The following CPNE4 variants were observed in gnomAD, a reference collection of about 807,000 sequenced individuals.
CPNE4 encodes copine-4.
In CPNE4, 25 loss-of-function variants were observed where a neutral mutation model predicts 67.9. The observed-to-expected ratio is 0.37, with a 90% CI of 0.27 to 0.51. CPNE4 has a LOEUF of 0.51. CPNE4 is among the 20% of genes least tolerant of loss of function. CPNE4 has a pLI of 0.93. For missense variants in CPNE4, 464 were observed against 690.8 expected, an observed-to-expected ratio of 0.67 and a Z score of 3.68; for synonymous variants, 242 against 244.9, an observed-to-expected ratio of 0.99 and a Z score of 0.11.
At chr3:131,823,378 C>T (rs1451248341) in intron 2 of CPNE4, among the ~76,000 whole-genome samples, 1 of 152,214 alleles carries the variant, frequency 6.6e-6, no homozygotes, top group Admixed American at 6.5e-5. Context: ...CTGCAACGCT[C>T]TTGAGCCTTC....
chr3:131,953,350 C>G (rs868006206), intron 1 of CPNE4, among the ~76,000 whole-genome samples: 1 of 149,906 alleles, frequency 6.7e-6, no homozygotes, highest in African/African-American at 2.5e-5. Flanking sequence ...ATTTTAGCTG[C>G]GGATTTGTCA....
chr3:131,555,741 C>T (rs1559890287), intron 11 of CPNE4, among the ~76,000 whole-genome samples, 190 bp from the exon 12 acceptor site: 1 of 151,916 alleles, frequency 6.6e-6, no homozygotes, highest in Non-Finnish European at 1.5e-5. Flanking sequence ...AAGAAACAGC[C>T]CCTTAAGTTC....
chr3:131,645,850 T>G (rs1022862630), intron 7 of CPNE4, among the ~76,000 whole-genome samples: 6 of 152,236 alleles, frequency 3.9e-5, no homozygotes, highest in African/African-American at 1.4e-4. Context: ...TAATGTAGTT[T>G]AAGCACAGGA....
chr3:131,912,669 T>C (rs528891108), intron 1 of CPNE4, among the ~76,000 whole-genome samples: 43 of 152,240 alleles, frequency 2.8e-4, no homozygotes, highest in African/African-American at 9.9e-4. Context: ...AGGAGATCTG[T>C]CTTGAACTTA....
chr3:131,888,502 T>C (rs1485681131), intron 2 of CPNE4, among the ~76,000 whole-genome samples: 1 of 152,200 alleles, frequency 6.6e-6, no homozygotes, highest in Non-Finnish European at 1.5e-5. Context: ...GTTGAACATT[T>C]CTGATCTTAA....
chr3:131,620,107 C>G (rs759471050), intron 7 of CPNE4, among the ~76,000 whole-genome samples: 13 of 152,238 alleles, frequency 8.5e-5, no homozygotes, highest in African/African-American at 2.9e-4. Flanking sequence ...AGAGTTTTAG[C>G]CAGGACACAG....
intron 2 of CPNE4, among the ~76,000 whole-genome samples, chr3:131,865,413 AC>A (rs200654804): frequency 1.5e-5 from 2 of 133,312 alleles, no homozygotes; most frequent in Non-Finnish European, 3.2e-5. Context: ...TTCACCTCCT[AC>A]TTTTTGTGGT....
intron 7 of CPNE4, among the ~76,000 whole-genome samples, chr3:131,646,374 A>G (rs2079664674): frequency 6.6e-6 from 1 of 152,146 alleles, no homozygotes; most frequent in African/African-American, 2.4e-5. Flanking sequence ...GAAAATACTC[A>G]CATACATATA....
At chr3:131,947,958 C>T (rs2071605758) in intron 1 of CPNE4, among the ~76,000 whole-genome samples, 1 of 152,096 alleles carries the variant, frequency 6.6e-6, no homozygotes, top group Non-Finnish European at 1.5e-5. Flanking sequence ...GCATTGAATC[C>T]ATAGATTACT....
At chr3:131,911,581 G>A (rs2088978284) in intron 1 of CPNE4, among the ~76,000 whole-genome samples, 1 of 130,746 alleles carries the variant, frequency 7.6e-6, no homozygotes. Context: ...GTGTGTGTGT[G>A]TGTGTAAACT....
At chr3:131,758,869 C>T (rs1391945167) in intron 2 of CPNE4, among the ~76,000 whole-genome samples, 1 of 152,094 alleles carries the variant, frequency 6.6e-6, no homozygotes, top group African/African-American at 2.4e-5. Context: ...TCCTCATTTT[C>T]TCTTGCTGCT....
At chr3:131,830,402 T>C (rs1196579413) in intron 2 of CPNE4, among the ~76,000 whole-genome samples, 1 of 152,182 alleles carries the variant, frequency 6.6e-6, no homozygotes, top group East Asian at 1.9e-4. Context: ...AAAGATAAGA[T>C]AGATCATTGT....
chr3:131,730,273 T>C (rs1233889860), intron 2 of CPNE4, among the ~76,000 whole-genome samples: 1 of 152,224 alleles, frequency 6.6e-6, no homozygotes, highest in Middle Eastern at 3.2e-3. Context: ...ACAATTTTTT[T>C]CTTTCCTAGG....
intron 2 of CPNE4, among the ~76,000 whole-genome samples, chr3:131,807,018 C>T (rs576120945): frequency 8.5e-5 from 13 of 152,256 alleles, no homozygotes; most frequent in African/African-American, 2.9e-4. Flanking sequence ...GAAAGGTATG[C>T]ATAACACCAG....
chr3:131,867,042 GCAA>G (rs2086981613), intron 2 of CPNE4, among the ~76,000 whole-genome samples: 2 of 152,304 alleles, frequency 1.3e-5, no homozygotes, highest in South Asian at 4.1e-4. Flanking sequence ...CACAAAGACT[GCAA>G]CTACTAGTGA....
chr3:131,980,699 A>T lies in CPNE4; in HGVS notation c.-2+53868T>A, dbSNP rs58451813. ...AACCTCCTGAATTCTTTTTCAGGTT[A>T]ATCAGGGATTTCTTCTTGGTTTGGT... On this transcript the variant is annotated intron_variant, in intron 1 of 15. Coordinates refer to ENST00000429747, the MANE Select transcript of CPNE4 (RefSeq NM_130808.3). Among the ~76,000 whole-genome samples the T allele has an allele frequency of 4.2e-3, 644 of 152,144 alleles. 7 individuals are homozygous for T. The highest frequency in any genetic ancestry group is 0.015 in the African/African-American group (621 of 41,500).
At chr3:131,990,914 C>T (rs1454252504) in intron 1 of CPNE4, among the ~76,000 whole-genome samples, 2 of 135,722 alleles carry the variant, frequency 1.5e-5, no homozygotes, top group Non-Finnish European at 3.3e-5. Context: ...AGTGAATTCT[C>T]ACAAGATCTG....
chr3:131,757,718 C>G (rs2082785427), intron 2 of CPNE4, among the ~76,000 whole-genome samples: 1 of 152,190 alleles, frequency 6.6e-6, no homozygotes, highest in Non-Finnish European at 1.5e-5. Context: ...CAGGGCAGCC[C>G]CTCCCATCTC....
At chr3:131,896,340 T>C (rs752932033) in intron 2 of CPNE4, among the ~76,000 whole-genome samples, 7 of 152,054 alleles carry the variant, frequency 4.6e-5, no homozygotes, top group South Asian at 2.1e-4. Flanking sequence ...ATTACTATCA[T>C]AGCATCACAA....
Sources: allele counts gnomAD v4.1 joint callset (sites outside exome capture counted in the v4.1 genomes callset), GRCh38; gene constraint gnomAD v4.1.1; transcripts MANE v1.5; gene names NCBI Gene and HGNC (gene_info 2026-07-23, HGNC 2026-07-21).